The following BICD1 variants were observed in gnomAD, a reference collection of about 807,000 sequenced individuals.
BICD1 encodes the protein BICD cargo adaptor 1, also known as protein bicaudal D homolog 1.
BICD1 carries 35 observed loss-of-function variants against 92.5 expected under a neutral mutation model. That is an observed-to-expected ratio of 0.38 (90% confidence interval 0.29 to 0.50). BICD1 has a LOEUF of 0.50. Ranked by LOEUF, BICD1 falls within the 20% of genes least tolerant of loss-of-function variation. BICD1 has a pLI of 0.93. For missense variants in BICD1, 950 were observed against 1,189.8 expected (o/e 0.80, Z 2.97); for synonymous variants, 429 against 465.1 (o/e 0.92, Z 1.00).
intron 8 of BICD1, among the ~76,000 whole-genome samples, chr12:32,342,670 G>A (rs1938426813): frequency 6.6e-6 from 1 of 152,118 alleles, no homozygotes; most frequent in Non-Finnish European, 1.5e-5. Context: ...AATGAAATCA[G>A]TTTAATTTGT....
intron 1 of BICD1, among the ~76,000 whole-genome samples, chr12:32,151,878 A>G (rs747413140): frequency 5.5e-4 from 84 of 152,258 alleles, no homozygotes; most frequent in Non-Finnish European, 1.0e-3. Flanking sequence ...ATAGTGGAAG[A>G]TGGAGGCTTC....
chr12:32,193,110 TG>T (rs1229468307), intron 1 of BICD1, among the ~76,000 whole-genome samples: 2 of 152,234 alleles, frequency 1.3e-5, no homozygotes. Flanking sequence ...GGTAAAATGC[TG>T]CCAGACAGTA....
rs200597704 is a variant in BICD1 at position 32,328,139 on chromosome 12, C to A, written c.1684C>A (p.Arg562=). 48 of 1,614,126 alleles carry A rather than the reference C, an allele frequency of 3.0e-5. 2 individuals carry two copies. In the South Asian group the frequency reaches 5.3e-4, roughly 18 times the overall value. Residue 562 remains arginine (R), a synonymous_variant, in exon 5 of 10, where the codon CGA becomes AGA. Coordinates refer to ENST00000652176, the MANE Select transcript of BICD1 (RefSeq NM_001714.4). This position sits in a 1 kb window ranked among gnomAD's most constrained non-coding sequence, Gnocchi z 4.4. ...TGATCCCAGAGGACTTTTGTCCCCACGATTAGCCAGGCGGGGTGTGTCATC... is the reference window on the plus strand; with the variant it reads ...TGATCCCAGAGGACTTTTGTCCCCAAGATTAGCCAGGCGGGGTGTGTCATC... ...PDDPRGLLSP[R]LARRGVSSPV... is the part of the protein sequence containing the mutation.
At chr12:32,242,421 G>A (rs1237923310) in intron 2 of BICD1, among the ~76,000 whole-genome samples, 1 of 151,956 alleles carries the variant, frequency 6.6e-6, no homozygotes, top group Non-Finnish European at 1.5e-5. Context: ...CAGCTACTAG[G>A]GAGGCCAAGG....
intron 1 of BICD1, among the ~76,000 whole-genome samples, chr12:32,113,034 CT>C (rs1432026912): frequency 6.6e-6 from 1 of 152,116 alleles, no homozygotes; most frequent in Non-Finnish European, 1.5e-5. Context: ...AACGATGAAA[CT>C]TGGAAGAAGC....
chr12:32,348,023 A>T (rs1938694604), intron 8 of BICD1, among the ~76,000 whole-genome samples: 2 of 152,210 alleles, frequency 1.3e-5, no homozygotes, highest in Admixed American at 1.3e-4. Flanking sequence ...AAACCATTCC[A>T]TGCTACAAAT....
At position 32,303,700 on chromosome 12, in the gene BICD1, G is replaced by C. The variant is rs139787521; in HGVS notation, c.580-1997G>C. Among the ~76,000 whole-genome samples the C allele has an allele frequency of 1.4e-3, 220 of 152,352 alleles. 1 individual carries two copies. The highest frequency in any genetic ancestry group is 5.0e-3 in the African/African-American group (208 of 41,584). On this transcript the variant is annotated intron_variant, in intron 3 of 9. Coordinates refer to ENST00000652176, the MANE Select transcript of BICD1 (RefSeq NM_001714.4). Reference sequence around the variant, plus strand: ...AGAAGGCTGTACAACAACAGAGGAAGAGCCTGGCTCCTGGATGACCTCATG... The same window carrying C: ...AGAAGGCTGTACAACAACAGAGGAACAGCCTGGCTCCTGGATGACCTCATG...
chr12:32,218,293 G>A (rs1481840962), intron 2 of BICD1, among the ~76,000 whole-genome samples: 1 of 152,088 alleles, frequency 6.6e-6, no homozygotes, highest in Non-Finnish European at 1.5e-5. Flanking sequence ...AAATTTGAGG[G>A]GCCTTTCATT....
intron 1 of BICD1, among the ~76,000 whole-genome samples, chr12:32,187,529 G>T (rs1190643886): frequency 6.6e-6 from 1 of 152,024 alleles, no homozygotes; most frequent in African/African-American, 2.4e-5. Context: ...AAAATTATTC[G>T]GGCGTGGTGG....
At chr12:32,285,240 G>A (rs928799910) in intron 2 of BICD1, among the ~76,000 whole-genome samples, 8 of 152,164 alleles carry the variant, frequency 5.3e-5, no homozygotes, top group African/African-American at 1.4e-4. Flanking sequence ...AGGCTTTTGC[G>A]TGTGAACTTC....
At chr12:32,273,594 C>T (rs902135982) in intron 2 of BICD1, among the ~76,000 whole-genome samples, 8 of 152,154 alleles carry the variant, frequency 5.3e-5, no homozygotes, top group East Asian at 1.9e-4. Context: ...ACGTACCAAG[C>T]GGTGTCTAAA....
chr12:32,361,566 A>G (rs1409830149), intron 8 of BICD1, among the ~76,000 whole-genome samples: 3 of 150,176 alleles, frequency 2.0e-5, no homozygotes, highest in Admixed American at 2.0e-4. Flanking sequence ...AAAAAAAAAA[A>G]AAGAAAGAAA....
chr12:32,248,959 A>C (rs1218491218), intron 2 of BICD1, among the ~76,000 whole-genome samples: 1 of 152,178 alleles, frequency 6.6e-6, no homozygotes. Flanking sequence ...CTTACTGCAC[A>C]TGTGTTAAGG....
intron 1 of BICD1, among the ~76,000 whole-genome samples, chr12:32,204,356 A>AG (rs1271314278): frequency 2.6e-5 from 4 of 151,798 alleles, no homozygotes; most frequent in Admixed American, 6.6e-5. Context: ...CAAAAAAAAA[A>AG]AAAAATGAAA....
chr12:32,112,305 C>T (rs989480497), intron 1 of BICD1, among the ~76,000 whole-genome samples: 3 of 152,158 alleles, frequency 2.0e-5, no homozygotes, highest in Non-Finnish European at 4.4e-5. Context: ...CACGCCCAGC[C>T]CCTTCTTTTT....
intron 2 of BICD1, among the ~76,000 whole-genome samples, chr12:32,252,131 A>AATATTAT (rs1447011032): frequency 8.3e-6 from 1 of 120,786 alleles, no homozygotes; most frequent in Admixed American, 1.0e-4. Flanking sequence ...ATTTATAATA[A>AATATTAT]ATATTATATA....
intron 1 of BICD1, among the ~76,000 whole-genome samples, chr12:32,158,764 T>G (rs1345492499): frequency 6.6e-6 from 1 of 152,206 alleles, no homozygotes; most frequent in African/African-American, 2.4e-5. Flanking sequence ...TTCCCACCTC[T>G]CCATCTCCAT....
chr12:32,162,475 C>T (rs1300456237), intron 1 of BICD1, among the ~76,000 whole-genome samples: 1 of 152,160 alleles, frequency 6.6e-6, no homozygotes, highest in Non-Finnish European at 1.5e-5. Flanking sequence ...AATCCTCTTC[C>T]ACCTCTATGG....
intron 2 of BICD1, among the ~76,000 whole-genome samples, chr12:32,270,978 G>A (rs1227281101): frequency 2.6e-5 from 4 of 152,256 alleles, no homozygotes; most frequent in Admixed American, 6.5e-5. Context: ...CTGGCCAGCC[G>A]GAAGCCACCA....
Sources: allele counts gnomAD v4.1 joint callset (sites outside exome capture counted in the v4.1 genomes callset), GRCh38; gene constraint gnomAD v4.1.1; non-coding constraint Gnocchi (gnomAD v3.1); transcripts MANE v1.5; gene names NCBI Gene and HGNC (gene_info 2026-07-23, HGNC 2026-07-21).